The following PTBP1 variants were observed in gnomAD, a reference collection of about 807,000 sequenced individuals.
The protein encoded by PTBP1 is polypyrimidine tract binding protein 1.
Under a neutral mutation model 59.8 loss-of-function variants are expected in PTBP1, and 8 were observed. That is an observed-to-expected ratio of 0.13 (90% confidence interval 0.08 to 0.24). The LOEUF is 0.24. Ranked by LOEUF, PTBP1 falls within the 10% of genes least tolerant of loss-of-function variation. PTBP1 has a pLI of 1.00. For synonymous variants in PTBP1, 490 were observed against 320.7 expected (o/e 1.53, Z -5.64); for missense variants, 686 against 767.0 (o/e 0.89, Z 1.25).
intron 8 of PTBP1, 141 bp downstream of exon 8, chr19:805,328 A>G (rs2034514185): frequency 4.9e-6 from 6 of 1,216,608 alleles, no homozygotes; most frequent in South Asian, 4.2e-5. Context: ...AGCACGGTCC[A>G]GTGTCCCCCA....
Position 804,448 on chromosome 19 carries a change from C to A in PTBP1, c.435+10C>A. On this transcript the variant is annotated intron_variant, in intron 5 of 14. Transcript: ENST00000356948. The stretch of plus-strand genomic sequence containing the variant: ...CTCTCCCAACCAGGCGGTGCGTGGC[C>A]CCGCGGCGGACCCCAGCAGCCCGGG... 1.9e-6 allele frequency: 3 copies of A among 1,608,538 alleles called. No individual in the cohort carries two copies. Among genetic ancestry groups the A allele is most frequent in the Non-Finnish European group, 2.5e-6 (3 of 1,179,430 alleles).
intron 1 of PTBP1, chr19:798,515 G>A (rs548907036): frequency 6.6e-6 from 1 of 152,414 alleles, no homozygotes; most frequent in Admixed American, 6.5e-5. Context: ...CCCTAGAGTG[G>A]GTCTGGACCC....
chr19:805,713 C>G, intron 9 of PTBP1, 144 bp downstream of exon 9: 1 of 727,246 alleles, frequency 1.4e-6, no homozygotes, highest in African/African-American at 1.7e-5. Context: ...GGGGACGCCA[C>G]GTCCACAGAG....
At chr19:801,577 C>T (rs1266400254) in intron 2 of PTBP1, among the ~76,000 whole-genome samples, 3 of 152,242 alleles carry the variant, frequency 2.0e-5, no homozygotes, top group South Asian at 2.1e-4. Context: ...GCCGCATGGG[C>T]GCTTGGCCAC....
intron 2 of PTBP1, among the ~76,000 whole-genome samples, chr19:800,101 A>ATTTTTTT (rs35076364): frequency 1.5e-5 from 2 of 131,498 alleles, no homozygotes; most frequent in Non-Finnish European, 1.6e-5. Flanking sequence ...TAATTTTTGT[A>ATTTTTTT]TTTTTTTTTT....
intron 3 of PTBP1, 101 bp from the exon 4 acceptor site, chr19:803,935 G>T: frequency 7.2e-7 from 1 of 1,387,016 alleles, no homozygotes; most frequent in East Asian, 2.3e-5. Flanking sequence ...GGGGCTCAGG[G>T]TTGGTCTCCG....
rs1471744956 is a variant in PTBP1, at chr19:808,189, C to G, written c.1154-171C>G. The G allele has an allele frequency of 1.5e-6, 1 of 661,688 alleles. No individual in the cohort carries two copies. Among genetic ancestry groups the G allele is most frequent in the Admixed American group, 2.7e-5 (1 of 37,414 alleles). 41.0% of individuals were successfully genotyped at this position (661,688 alleles called of 1,614,324 possible). A position where few individuals can be genotyped will look rare whatever the true frequency, so the allele number is the denominator to read the frequency against. On this transcript the variant is annotated intron_variant, in intron 11 of 14. Coordinates refer to ENST00000356948, the MANE Select transcript of PTBP1 (RefSeq NM_002819.5). The surrounding 1 kb of genome is among the most constrained non-coding windows in gnomAD (Gnocchi z 4.7). ...GATGCTATGACTTTGCTGAACGGAG[C>G]TGCTCCTGTTAGCGCGCCCTGTGGC...
intron 10 of PTBP1, 188 bp from the exon 11 acceptor site, chr19:807,681 T>G: frequency 1.9e-6 from 1 of 520,300 alleles, no homozygotes; most frequent in Non-Finnish European, 3.4e-6. Context: ...AAACAAAAAT[T>G]CCCCCTCAAA....
chr19:808,485 G>A lies in PTBP1; in HGVS notation c.1246+33G>A, dbSNP rs766826238. ...GCCGGGGCGGCCCCGGGGTGGAGGG[G>A]GCAGGGGCGGGGGCTGCGTTCCCTC... is the stretch of plus-strand genomic sequence containing the variant. On this transcript the variant is annotated intron_variant, in intron 12 of 14. Coordinates refer to ENST00000356948, the MANE Select transcript of PTBP1 (RefSeq NM_002819.5). This position sits in a 1 kb window ranked among gnomAD's most constrained non-coding sequence, Gnocchi z 4.7. 6.4e-6 allele frequency: 10 copies of A among 1,561,482 alleles called. No individual in the cohort carries two copies. The highest frequency in any genetic ancestry group is 1.9e-5 in the Admixed American group (1 of 52,798).
Position 810,633 on chromosome 19 carries a change from C to A in PTBP1, c.1541+13C>A. The A allele has an allele frequency of 6.2e-7, 1 of 1,613,048 alleles. No individual in the cohort carries two copies. On this transcript the variant is annotated intron_variant, in intron 14 of 14. Transcript: ENST00000356948. ...TCAAGTTCTTCCAGTGAGTATGAGG[C>A]GGGCTGTCCCTGGCTCTCCCCAGGC...
At chr19:799,038 C>T (rs560179006) in intron 1 of PTBP1, among the ~76,000 whole-genome samples, 1 of 152,256 alleles carries the variant, frequency 6.6e-6, no homozygotes, top group Non-Finnish European at 1.5e-5. Context: ...CTCTCCGAGG[C>T]GTTTCCAACT....
chr19:806,329 A>T (rs527579162), intron 9 of PTBP1, 79 bp from the exon 10 acceptor site: 4 of 1,431,644 alleles, frequency 2.8e-6, no homozygotes, highest in South Asian at 1.4e-5. Context: ...TCGGTGCATG[A>T]GGACGGGGAG....
At chr19:798,998 G>C (rs1027825045) in intron 1 of PTBP1, among the ~76,000 whole-genome samples, 1 of 152,242 alleles carries the variant, frequency 6.6e-6, no homozygotes. Flanking sequence ...GGAAGCTCTG[G>C]CCCAGGCCTG....
intron 3 of PTBP1, 33 bp downstream of exon 3, chr19:803,669 G>C: frequency 2.5e-6 from 4 of 1,572,454 alleles, no homozygotes; most frequent in Non-Finnish European, 3.5e-6. Flanking sequence ...GGCAAGACCC[G>C]TGGGTGTCTT....
intron 3 of PTBP1, 60 bp from the exon 4 acceptor site, chr19:803,976 G>A: frequency 3.1e-6 from 5 of 1,594,106 alleles, no homozygotes; most frequent in East Asian, 2.2e-5. Flanking sequence ...GGATAGCAGG[G>A]ACCTTCCTCT....
At chr19:801,937 G>A (rs1367628946) in intron 2 of PTBP1, among the ~76,000 whole-genome samples, 3 of 152,164 alleles carry the variant, frequency 2.0e-5, no homozygotes, top group Admixed American at 1.3e-4. Context: ...ATCTGTGTCC[G>A]GCCGGAACCT....
chr19:799,679 T>C (rs1376548916), intron 2 of PTBP1, among the ~76,000 whole-genome samples: 1 of 152,246 alleles, frequency 6.6e-6, no homozygotes, highest in Non-Finnish European at 1.5e-5. Context: ...TCTGAGCTGC[T>C]CTTCGGTTCT....
intron 10 of PTBP1, chr19:806,786 T>C: frequency 2.2e-6 from 1 of 462,430 alleles, no homozygotes; most frequent in East Asian, 3.7e-5. Flanking sequence ...ATACGCAGAA[T>C]GAATTATTTT....
chr19:804,334 G>A lies in PTBP1; in HGVS notation c.331G>A (p.Val111Met). The A allele has an allele frequency of 3.1e-6, 5 of 1,613,696 alleles. No homozygotes were observed. Among genetic ancestry groups the A allele is most frequent in the Non-Finnish European group, 4.2e-6 (5 of 1,179,976 alleles). The part of the protein sequence containing the change: ...MNTEEAANTM[V>M]NYYTSVTPVL... Reference sequence around the variant, plus strand: ...CACGGAGGAGGCTGCCAACACCATGGTGAACTACTACACCTCGGTGACCCC... The same window carrying A: ...CACGGAGGAGGCTGCCAACACCATGATGAACTACTACACCTCGGTGACCCC... The change falls in exon 5 of 15, where the codon GTG becomes ATG. Residue 111 changes from valine (V) to methionine (M), a missense_variant. Physicochemically the swap from Val to Met is conservative, Grantham distance 21. Coordinates refer to ENST00000356948, the MANE Select transcript of PTBP1 (RefSeq NM_002819.5).
Sources: allele counts gnomAD v4.1 joint callset (sites outside exome capture counted in the v4.1 genomes callset), GRCh38; gene constraint gnomAD v4.1.1; non-coding constraint Gnocchi (gnomAD v3.1); transcripts MANE v1.5; gene names NCBI Gene and HGNC (gene_info 2026-07-23, HGNC 2026-07-21).